Variants in ASIC4 observed in about 807,000 individuals in gnomAD.
ASIC4 encodes the protein acid sensing ion channel subunit family member 4, also known as acid-sensing ion channel 4.
ASIC4 carries 28 observed loss-of-function variants against 53.4 expected under a neutral mutation model. The ratio of observed to expected loss-of-function variants is 0.52; its 90% CI spans 0.39 to 0.72. The LOEUF (loss-of-function observed/expected upper bound fraction) is 0.72. ASIC4 is among the 30% of genes least tolerant of loss of function. The pLI, the probability that ASIC4 is intolerant of heterozygous loss-of-function variation, is 0.00. For missense variants in ASIC4, 649 were observed against 729.7 expected, an observed-to-expected ratio of 0.89 and a Z score of 1.27; for synonymous variants, 289 against 301.4, an observed-to-expected ratio of 0.96 and a Z score of 0.43.
upstream of ASIC4, among the ~76,000 whole-genome samples, chr2:219,513,182 C>T (rs975497531): frequency 1.3e-5 from 2 of 152,148 alleles, no homozygotes; most frequent in African/African-American, 2.4e-5. Flanking sequence ...CACCTCCCCC[C>T]GCCCGTCCAC....
chr2:219,537,023 G>T lies in ASIC4; in HGVS notation c.1230-43G>T. On this transcript the variant is annotated intron_variant, in intron 6 of 9. Coordinates refer to ENST00000358078, the MANE Select transcript of ASIC4 (RefSeq NM_018674.6). This position sits in a 1 kb window ranked among gnomAD's most constrained non-coding sequence, Gnocchi z 4.9. ...CAGGATGCCCCTGCCAGCCTTCTCA[G>T]GAAGAGAGGCCCACACGGATACCCT... 6.3e-7 allele frequency: 1 copy of T among 1,576,886 alleles called. No homozygotes were observed. Among genetic ancestry groups the T allele is most frequent in the Non-Finnish European group, 8.7e-7 (1 of 1,148,550 alleles).
the ASIC4 span, among the ~76,000 whole-genome samples, chr2:219,508,057 C>G: frequency 6.6e-6 from 1 of 152,190 alleles, no homozygotes; most frequent in Non-Finnish European, 1.5e-5. Context: ...GTTTAGCAGT[C>G]CTGACCTATA....
intron 1 of ASIC4, among the ~76,000 whole-genome samples, chr2:219,527,134 T>C (rs1178788396): frequency 6.6e-6 from 1 of 152,192 alleles, no homozygotes; most frequent in East Asian, 1.9e-4. Context: ...GCCGTCTCCA[T>C]GGAAGAAGCT....
At chr2:219,522,830 A>G (rs1694909058) in intron 1 of ASIC4, among the ~76,000 whole-genome samples, 2 of 151,950 alleles carry the variant, frequency 1.3e-5, no homozygotes, top group South Asian at 4.2e-4. Flanking sequence ...AGGAGCCGGG[A>G]GCCGGGGGAA....
chr2:219,510,433 C>T (rs1694686292), upstream of ASIC4, among the ~76,000 whole-genome samples: 1 of 152,332 alleles, frequency 6.6e-6, no homozygotes, highest in Non-Finnish European at 1.5e-5. The surrounding 1 kb of genome is among the most constrained non-coding windows in gnomAD (Gnocchi z 5.2). Context: ...GCCCTTTGCC[C>T]TCTGCAGCCT....
upstream of ASIC4, among the ~76,000 whole-genome samples, chr2:219,511,950 CAGGG>C (rs1694707258): frequency 6.6e-6 from 1 of 151,332 alleles, no homozygotes; most frequent in African/African-American, 2.4e-5. The surrounding 1 kb of genome is among the most constrained non-coding windows in gnomAD (Gnocchi z 5.3). Flanking sequence ...TATAGAGAGA[CAGGG>C]AGGGGGCCAG....
chr2:219,514,122 G>C (rs1395560865), upstream of ASIC4: 15 of 579,832 alleles, frequency 2.6e-5, no homozygotes, highest in Non-Finnish European at 3.9e-5. Context: ...TGAGGACCCT[G>C]GGCACGGCAC....
Position 219,532,492 on chromosome 2 carries a change from C to T in ASIC4, c.1018+15C>T, listed in dbSNP as rs1384212848. 6.2e-7 allele frequency: 1 copy of T among 1,601,318 alleles called. No homozygotes were observed. Among genetic ancestry groups the T allele is most frequent in the African/African-American group, 1.3e-5 (1 of 74,878 alleles). On this transcript the variant is annotated intron_variant, in intron 4 of 9. Coordinates refer to ENST00000358078, the MANE Select transcript of ASIC4 (RefSeq NM_018674.6). ...GCACATGCCAGGTGGGCACCCCACC[C>T]CCAGCCAGCCCTCCATGCCACCCTG...
Position 219,537,762 on chromosome 2 carries a change from A to G in ASIC4, c.1506+26A>G. 6.2e-7 allele frequency: 1 copy of G among 1,600,062 alleles called. No individual in the cohort carries two copies. Reference sequence around the variant, plus strand: ...GTGAGGACAAGCTCTAAATGCCTGCAGCATGCAGCCACACCTCCCCAGGAC... The same window carrying G: ...GTGAGGACAAGCTCTAAATGCCTGCGGCATGCAGCCACACCTCCCCAGGAC... On this transcript the variant is annotated intron_variant, in intron 9 of 9. Coordinates refer to ENST00000358078, the MANE Select transcript of ASIC4 (RefSeq NM_018674.6). This position sits in a 1 kb window ranked among gnomAD's most constrained non-coding sequence, Gnocchi z 4.9.
At chr2:219,511,751 G>A (rs894843435), upstream of ASIC4, among the ~76,000 whole-genome samples, 13 of 151,336 alleles carry the variant, frequency 8.6e-5, no homozygotes, top group Admixed American at 3.3e-4. The surrounding 1 kb of genome is among the most constrained non-coding windows in gnomAD (Gnocchi z 5.3). Context: ...GAGCTTGGGC[G>A]CAGGGCCGGG....
chr2:219,526,357 C>T (rs1694961384), intron 1 of ASIC4, among the ~76,000 whole-genome samples: 1 of 151,712 alleles, frequency 6.6e-6, no homozygotes, highest in Non-Finnish European at 1.5e-5. Context: ...TGGGGAGCCT[C>T]AGGCCCAGGG....
rs759990497 is a variant in ASIC4, at chr2:219,537,345, G to T, written c.1401+24G>T. 6.2e-7 allele frequency: 1 copy of T among 1,605,794 alleles called. No individual in the cohort carries two copies. Among genetic ancestry groups the T allele is most frequent in the South Asian group, 1.1e-5 (1 of 89,924 alleles). ...AGGCAAGGGCCCTGGAGAAGGCAGGGTGGGAGTGGGGGCCGTGGGCAAAGC... is the reference window on the plus strand; with the variant it reads ...AGGCAAGGGCCCTGGAGAAGGCAGGTTGGGAGTGGGGGCCGTGGGCAAAGC... On this transcript the variant is annotated intron_variant, in intron 8 of 9. Transcript: ENST00000358078. This position sits in a 1 kb window ranked among gnomAD's most constrained non-coding sequence, Gnocchi z 4.9.
At chr2:219,512,264 A>G (rs973395305), upstream of ASIC4, among the ~76,000 whole-genome samples, 1 of 152,162 alleles carries the variant, frequency 6.6e-6, no homozygotes, top group African/African-American at 2.4e-5. Flanking sequence ...TCAGGAGGAA[A>G]GAGGATGTGA....
intron 1 of ASIC4, among the ~76,000 whole-genome samples, chr2:219,520,432 C>T (rs897938172): frequency 2.6e-5 from 4 of 152,174 alleles, no homozygotes; most frequent in Non-Finnish European, 4.4e-5. Context: ...TCTGTCCCAG[C>T]GACCTCCTTA....
chr2:219,537,358 C>T lies in ASIC4; in HGVS notation c.1401+37C>T, dbSNP rs1209108885. ...GGAGAAGGCAGGGTGGGAGTGGGGG[C>T]CGTGGGCAAAGCAGAAGGGGGCAGT... On this transcript the variant is annotated intron_variant, in intron 8 of 9. Transcript: ENST00000358078. This position sits in a 1 kb window ranked among gnomAD's most constrained non-coding sequence, Gnocchi z 4.9. 1 of 1,592,212 alleles carries T rather than the reference C, an allele frequency of 6.3e-7. No homozygotes were observed. Among genetic ancestry groups the T allele is most frequent in the Non-Finnish European group, 8.6e-7 (1 of 1,168,528 alleles).
In ASIC4 at chr2:219,519,829, C is replaced by T. The variant is rs921785070; in HGVS notation, c.582+4523C>T. Among the ~76,000 whole-genome samples the T allele has an allele frequency of 8.1e-5, 12 of 148,692 alleles. No individual in the cohort carries two copies. In the East Asian group the frequency reaches 2.5e-3, roughly 31 times the overall value. On this transcript the variant is annotated intron_variant, in intron 1 of 9. Coordinates refer to ENST00000358078, the MANE Select transcript of ASIC4 (RefSeq NM_018674.6). ...GTAGCTGCGGGCTGTGACTGGAAGT[C>T]GGGCCATCTACTCTGTGGGCTGTGA...
chr2:219,526,307 AGGGCACCTGGAGAGG>A (rs1039032390), intron 1 of ASIC4, among the ~76,000 whole-genome samples: 1 of 151,996 alleles, frequency 6.6e-6, no homozygotes, highest in Admixed American at 6.6e-5. Flanking sequence ...AAGGAGGTGG[AGGGCACCTGGAGAGG>A]GGTTCCTGGC....
chr2:219,507,284 G>C, the ASIC4 span, among the ~76,000 whole-genome samples: 1 of 152,316 alleles, frequency 6.6e-6, no homozygotes, highest in Non-Finnish European at 1.5e-5. Context: ...ATTCCGAAGG[G>C]AAGGGTGAAG....
At chr2:219,510,931 G>T (rs939496066), upstream of ASIC4, among the ~76,000 whole-genome samples, 8 of 151,010 alleles carry the variant, frequency 5.3e-5, no homozygotes, top group African/African-American at 2.0e-4. The surrounding 1 kb of genome is among the most constrained non-coding windows in gnomAD (Gnocchi z 5.2). Flanking sequence ...TCCGCCCCCC[G>T]CCCCTCGGCC....
Sources: allele counts gnomAD v4.1 joint callset (sites outside exome capture counted in the v4.1 genomes callset), GRCh38; gene constraint gnomAD v4.1.1; non-coding constraint Gnocchi (gnomAD v3.1); transcripts MANE v1.5; gene names NCBI Gene and HGNC (gene_info 2026-07-23, HGNC 2026-07-21).